The following DDAH1 variants were observed in gnomAD, a reference collection of about 807,000 sequenced individuals.
The protein encoded by DDAH1 is N(G),N(G)-dimethylarginine dimethylaminohydrolase 1.
DDAH1 carries 19 observed loss-of-function variants against 28.8 expected under a neutral mutation model. That is an observed-to-expected ratio of 0.66 (90% CI 0.46 to 0.97). The LOEUF is 0.97. Among genes scored for constraint, DDAH1 ranks in the 50% least tolerant of loss-of-function variants. DDAH1 has a pLI of 0.00. For missense variants in DDAH1, 326 were observed against 375.9 expected (o/e 0.87, Z 1.10); for synonymous variants, 153 against 154.4 (o/e 0.99, Z 0.07).
intron 1 of DDAH1, among the ~76,000 whole-genome samples, chr1:85,402,290 T>C (rs996716461): frequency 6.6e-6 from 1 of 151,834 alleles, no homozygotes; most frequent in Non-Finnish European, 1.5e-5. Context: ...TGTGAGCCAC[T>C]GTGCCCAGGC....
At chr1:85,445,310 G>A (rs1056798000) in intron 1 of DDAH1, among the ~76,000 whole-genome samples, 1 of 152,010 alleles carries the variant, frequency 6.6e-6, no homozygotes, top group South Asian at 2.1e-4. Flanking sequence ...CAAGGAGGAG[G>A]GGCATCTGAA....
At chr1:85,359,520 G>GCA (rs150537414) in intron 1 of DDAH1, among the ~76,000 whole-genome samples, 50 of 151,770 alleles carry the variant, frequency 3.3e-4, no homozygotes, top group African/African-American at 4.8e-4. Context: ...AGTCAGAATT[G>GCA]CACACACACA....
At chr1:85,560,869 T>A (rs945584288) in intron 1 of DDAH1, among the ~76,000 whole-genome samples, 3 of 152,062 alleles carry the variant, frequency 2.0e-5, no homozygotes, top group Non-Finnish European at 2.9e-5. Context: ...CATTAAGGTT[T>A]TTTTTCCTAT....
intron 1 of DDAH1, among the ~76,000 whole-genome samples, chr1:85,547,419 G>C (rs1238889694): frequency 1.3e-5 from 2 of 152,278 alleles, no homozygotes; most frequent in East Asian, 3.9e-4. Flanking sequence ...TCAAAGTCTG[G>C]AAATGTAAAT....
At position 85,427,723 on chromosome 1, in the gene DDAH1, A is replaced by C. The variant is rs78358982; in HGVS notation, c.303+37020T>G. On this transcript the variant is annotated intron_variant, in intron 1 of 5. Transcript: ENST00000284031. ...TTTCTCTCTAAGGATGTAACAAAGA[A>C]AGAGAGAAAGAAAGAGGGATAGAAA... Among the ~76,000 whole-genome samples the C allele has an allele frequency of 9.8e-4, 149 of 152,358 alleles. 1 individual carries two copies. The highest frequency in any genetic ancestry group is 3.4e-3 in the Middle Eastern group (1 of 294).
chr1:85,469,185 A>G (rs1281712468), upstream of DDAH1, among the ~76,000 whole-genome samples: 1 of 152,218 alleles, frequency 6.6e-6, no homozygotes, highest in African/African-American at 2.4e-5. Context: ...GTGGGCCCAG[A>G]AAGAAAAGAA....
At chr1:85,492,266 A>C (rs2100729608) in intron 2 of DDAH1, among the ~76,000 whole-genome samples, 1 of 152,328 alleles carries the variant, frequency 6.6e-6, no homozygotes, top group South Asian at 2.1e-4. Context: ...AAAATAGAAA[A>C]TGTTCAGAAA....
At chr1:85,494,127 T>C (rs564968999) in intron 2 of DDAH1, 5 of 152,328 alleles carry the variant, frequency 3.3e-5, no homozygotes, top group African/African-American at 1.2e-4. Context: ...CATCTTTGCA[T>C]TGTCTGGATA....
At chr1:85,427,617 A>T (rs1285341762) in intron 1 of DDAH1, among the ~76,000 whole-genome samples, 1 of 152,192 alleles carries the variant, frequency 6.6e-6, no homozygotes, top group Non-Finnish European at 1.5e-5. Context: ...TTCTTACATG[A>T]TCATTAAACT....
At position 85,350,485 on chromosome 1, in the gene DDAH1, C is replaced by G; in HGVS notation, c.527G>C (p.Ser176Thr). The G allele has an allele frequency of 6.2e-7, 1 of 1,614,158 alleles. No individual in the cohort carries two copies. The highest frequency in any genetic ancestry group is 8.5e-7 in the Non-Finnish European group (1 of 1,180,006). Residue 176 changes from serine (S) to threonine (T), a missense_variant, in exon 4 of 6, where the codon AGT (serine) becomes ACT (threonine). By Grantham distance (58) the Ser-to-Thr change is moderately conservative. Transcript: ENST00000284031. ...VPVADGLHLK[S>T]FCSMAGPNLI... ...GTTAGGCCCAGCCATGCTGCAGAAA[C>G]TCTTCAAATGCAACCCATCTGCCAC...
At chr1:85,545,374 T>C (rs1524004) in intron 1 of DDAH1, among the ~76,000 whole-genome samples, 43,238 of 152,168 alleles carry the variant, frequency 0.28, 6,401 homozygotes, top group Non-Finnish European at 0.33. Flanking sequence ...GGTGATAAGA[T>C]GAAGGGAGTA....
intron 2 of DDAH1, among the ~76,000 whole-genome samples, chr1:85,492,981 G>T (rs79771210): frequency 4.0e-4 from 61 of 152,052 alleles, no homozygotes; most frequent in African/African-American, 1.4e-3. Context: ...TGTCACGAAG[G>T]GTTGCATTAT....
chr1:85,572,028 C>T (rs1659472120), intron 1 of DDAH1, among the ~76,000 whole-genome samples: 1 of 152,132 alleles, frequency 6.6e-6, no homozygotes, highest in African/African-American at 2.4e-5. Flanking sequence ...TGAGGATAAC[C>T]ACAGGCTGTG....
intron 1 of DDAH1, among the ~76,000 whole-genome samples, chr1:85,500,149 T>TC (rs770847125): frequency 1.4e-4 from 9 of 63,498 alleles, no homozygotes; most frequent in African/African-American, 3.0e-4. Context: ...TTTCTTTCTT[T>TC]TCTTTCTTTC....
intron 1 of DDAH1, among the ~76,000 whole-genome samples, chr1:85,427,530 T>C (rs963646521): frequency 6.6e-6 from 1 of 152,146 alleles, no homozygotes; most frequent in South Asian, 2.1e-4. Flanking sequence ...TATCTAGAAA[T>C]AGCAAGTACA....
intron 1 of DDAH1, among the ~76,000 whole-genome samples, chr1:85,365,278 T>A (rs1335118523): frequency 6.6e-6 from 1 of 152,188 alleles, no homozygotes; most frequent in Non-Finnish European, 1.5e-5. Flanking sequence ...AATTTAGGTA[T>A]CTACAATGAA....
At chr1:85,342,158 G>T (rs993604486) in intron 4 of DDAH1, among the ~76,000 whole-genome samples, 2 of 152,138 alleles carry the variant, frequency 1.3e-5, no homozygotes, top group African/African-American at 4.8e-5. Context: ...TGGAGGCAGA[G>T]CAAGAATGAC....
At chr1:85,371,825 A>G (rs1262487467) in intron 1 of DDAH1, among the ~76,000 whole-genome samples, 3 of 152,224 alleles carry the variant, frequency 2.0e-5, no homozygotes, top group Admixed American at 6.5e-5. Context: ...TGATTGCTGC[A>G]TAAGTAAGGC....
chr1:85,433,535 G>A (rs1394776850), intron 1 of DDAH1, among the ~76,000 whole-genome samples: 2 of 152,108 alleles, frequency 1.3e-5, no homozygotes, highest in African/African-American at 2.4e-5. Context: ...AAATTGTAAG[G>A]AATTTTACAG....
Sources: allele counts gnomAD v4.1 joint callset (sites outside exome capture counted in the v4.1 genomes callset), GRCh38; gene constraint gnomAD v4.1.1; transcripts MANE v1.5; gene names NCBI Gene and HGNC (gene_info 2026-07-23, HGNC 2026-07-21).